TMEM9: variants seen among roughly 807,000 people sequenced by gnomAD.
The protein encoded by TMEM9 is transmembrane protein 9.
TMEM9 carries 13 observed loss-of-function variants against 22.8 expected under a neutral mutation model. The ratio of observed to expected loss-of-function variants is 0.57; its 90% CI spans 0.37 to 0.91. The LOEUF (loss-of-function observed/expected upper bound fraction) is 0.91. Among genes scored for constraint, TMEM9 ranks in the 40% least tolerant of loss-of-function variants. TMEM9 has a pLI of 0.01. For missense variants in TMEM9, 182 were observed against 238.1 expected, an observed-to-expected ratio of 0.76 and a Z score of 1.55; for synonymous variants, 88 against 93.0, an observed-to-expected ratio of 0.95 and a Z score of 0.31.
At chr1:201,137,471 AACACACACAC>A (rs144662228) in intron 4 of TMEM9, among the ~76,000 whole-genome samples, 8,753 of 146,612 alleles carry the variant, frequency 0.06, 292 homozygotes, top group Non-Finnish European at 0.078. Flanking sequence ...CAAATTATCT[AACACACACAC>A]ACACACACAC....
At chr1:201,165,150 T>TATATATATATATATATATATATATA (rs1666040151) in intron 1 of TMEM9, among the ~76,000 whole-genome samples, 1 of 87,074 alleles carries the variant, frequency 1.1e-5, no homozygotes, top group Non-Finnish European at 2.6e-5. Context: ...TAAGAGAAAA[T>TATATATATATATATATATATATATA]TATATATATA....
In TMEM9 at chr1:201,154,097, C is replaced by G. The variant is rs894337587; in HGVS notation, c.-174G>C. On this transcript the variant is annotated 5_prime_UTR_variant, in exon 1 of 5. Coordinates refer to ENST00000367330, the MANE Select transcript of TMEM9 (RefSeq NM_001288565.2). ...GATTCCAAGGCCTGCTAAACCTGGT[C>G]GCCAAACCCTGCTTCCCTCCCGCCC... The G allele has an allele frequency of 2.6e-5, 19 of 737,422 alleles. No individual in the cohort carries two copies. The highest frequency in any genetic ancestry group is 3.8e-5 in the Non-Finnish European group (18 of 471,218). The allele number at this position is 737,422 out of a possible 1,614,324, so 45.7% of individuals were successfully genotyped here. A position where few individuals can be genotyped will look rare whatever the true frequency, so the allele number is the denominator to read the frequency against.
At chr1:201,163,215 A>C (rs1665991004) in intron 1 of TMEM9, among the ~76,000 whole-genome samples, 1 of 152,150 alleles carries the variant, frequency 6.6e-6, no homozygotes, top group East Asian at 1.9e-4. Context: ...TGAGCCTGGG[A>C]AGTTGAAGCT....
intron 4 of TMEM9, among the ~76,000 whole-genome samples, chr1:201,138,098 T>G (rs1447143383): frequency 1.3e-5 from 2 of 152,072 alleles, no homozygotes; most frequent in Non-Finnish European, 2.9e-5. Flanking sequence ...TCTGGGACCA[T>G]CTTTCTCATG....
intron 2 of TMEM9, 28 bp from the exon 3 acceptor site, chr1:201,146,876 A>C: frequency 6.2e-7 from 1 of 1,608,372 alleles, no homozygotes; most frequent in Non-Finnish European, 8.5e-7. Flanking sequence ...AGGGCTGTCG[A>C]GGCAGGGCCA....
intron 1 of TMEM9, among the ~76,000 whole-genome samples, chr1:201,163,741 G>T (rs1666005507): frequency 6.6e-6 from 1 of 152,136 alleles, no homozygotes; most frequent in South Asian, 2.1e-4. Flanking sequence ...TGCTGGTGAG[G>T]ATGTGAAGGG....
intron 4 of TMEM9, among the ~76,000 whole-genome samples, chr1:201,142,791 C>T (rs1365043976): frequency 1.3e-5 from 2 of 152,228 alleles, no homozygotes; most frequent in Non-Finnish European, 2.9e-5. Context: ...CTAAGCAGCC[C>T]GCTCTGCTGT....
At chr1:201,168,270 C>G (rs1666125683) in intron 1 of TMEM9, among the ~76,000 whole-genome samples, 1 of 152,010 alleles carries the variant, frequency 6.6e-6, no homozygotes. Context: ...GGGTATATAC[C>G]TAGGAGTAGA....
At chr1:201,167,193 C>T (rs1036014729) in intron 1 of TMEM9, among the ~76,000 whole-genome samples, 3 of 152,136 alleles carry the variant, frequency 2.0e-5, no homozygotes, top group South Asian at 2.1e-4. Flanking sequence ...TCCTGAAGAC[C>T]GTGGCACTGC....
At chr1:201,165,153 TA>T (rs869276780) in intron 1 of TMEM9, among the ~76,000 whole-genome samples, 19,637 of 106,944 alleles carry the variant, frequency 0.18, 1,945 homozygotes, top group East Asian at 0.39. Flanking sequence ...GAGAAAATTA[TA>T]TATATATATA....
In TMEM9 at chr1:201,135,834, A is replaced by G. The variant is rs1663942586; in HGVS notation, c.400-19T>C. 1 of 1,576,206 alleles carries G rather than the reference A, an allele frequency of 6.3e-7. No homozygotes were observed. Among genetic ancestry groups the G allele is most frequent in the Non-Finnish European group, 8.6e-7 (1 of 1,162,060 alleles). On this transcript the variant is annotated intron_variant, in intron 4 of 4. Coordinates refer to ENST00000367330, the MANE Select transcript of TMEM9 (RefSeq NM_001288565.2). ...GAGCATCCTGTAGTGGGAAGAAAAA[A>G]AGAGAAGATCTGGCACGGTAAGCCA...
intron 1 of TMEM9, among the ~76,000 whole-genome samples, chr1:201,153,361 A>G (rs1251836182): frequency 6.6e-6 from 1 of 152,248 alleles, no homozygotes; most frequent in Non-Finnish European, 1.5e-5. Context: ...TTCAGTGTAG[A>G]TAAACTTTGT....
intron 2 of TMEM9, among the ~76,000 whole-genome samples, chr1:201,150,220 T>C (rs189708528): frequency 7.0e-4 from 106 of 152,346 alleles, no homozygotes; most frequent in African/African-American, 2.4e-3. Context: ...CTGATGCTAT[T>C]TGAACTATAA....
chr1:201,165,150 TTATA>T (rs57281429), intron 1 of TMEM9, among the ~76,000 whole-genome samples: 6,453 of 86,986 alleles, frequency 0.074, 475 homozygotes, highest in African/African-American at 0.19. Context: ...TAAGAGAAAA[TTATA>T]TATATATATA....
chr1:201,159,178 T>C (rs1665879966), upstream of TMEM9, among the ~76,000 whole-genome samples: 2 of 152,122 alleles, frequency 1.3e-5, no homozygotes, highest in Admixed American at 1.3e-4. Flanking sequence ...GTGTTAACAC[T>C]CTCAAAGGGG....
chr1:201,157,770 A>G (rs566054446), upstream of TMEM9, among the ~76,000 whole-genome samples: 6 of 152,198 alleles, frequency 3.9e-5, no homozygotes, highest in African/African-American at 1.4e-4. Context: ...GGAAGGCTGC[A>G]GAGGCACTTG....
intron 1 of TMEM9, among the ~76,000 whole-genome samples, chr1:201,170,988 A>G (rs2102300164): frequency 6.6e-6 from 1 of 152,378 alleles, no homozygotes; most frequent in African/African-American, 2.4e-5. Flanking sequence ...GTGTTACCTG[A>G]GTAAGATTGA....
At chr1:201,164,778 T>G (rs950811250) in intron 1 of TMEM9, among the ~76,000 whole-genome samples, 22 of 152,224 alleles carry the variant, frequency 1.4e-4, no homozygotes, top group Admixed American at 2.0e-4. Flanking sequence ...GCCAATGACC[T>G]CAGCCCCGCA....
upstream of TMEM9, among the ~76,000 whole-genome samples, chr1:201,154,865 G>C (rs745633416): frequency 6.6e-6 from 1 of 152,114 alleles, no homozygotes; most frequent in Non-Finnish European, 1.5e-5. Context: ...AGGGATCCAC[G>C]TCTTTGCTGC....
Sources: allele counts gnomAD v4.1 joint callset (sites outside exome capture counted in the v4.1 genomes callset), GRCh38; gene constraint gnomAD v4.1.1; transcripts MANE v1.5; gene names NCBI Gene and HGNC (gene_info 2026-07-23, HGNC 2026-07-21).